Variants in EEPD1 observed in about 807,000 individuals in gnomAD.
The protein encoded by EEPD1 is endonuclease/exonuclease/phosphatase family domain-containing protein 1.
EEPD1 carries 17 observed loss-of-function variants against 46.3 expected under a neutral mutation model. The ratio of observed to expected loss-of-function variants is 0.37; its 90% CI spans 0.25 to 0.55. The LOEUF is 0.55. Among genes scored for constraint, EEPD1 ranks in the 20% least tolerant of loss-of-function variants. The pLI, the probability that EEPD1 is intolerant of heterozygous loss-of-function variation, is 0.83. For missense variants in EEPD1, 673 were observed against 745.6 expected (o/e 0.90, Z 1.13); for synonymous variants, 313 against 315.6 (o/e 0.99, Z 0.09).
intron 2 of EEPD1, among the ~76,000 whole-genome samples, chr7:36,174,988 CAGA>C (rs1785151551): frequency 6.6e-6 from 1 of 152,128 alleles, no homozygotes; most frequent in Non-Finnish European, 1.5e-5. Flanking sequence ...GATTTATGGA[CAGA>C]AGGAGGAAAG....
intron 3 of EEPD1, among the ~76,000 whole-genome samples, chr7:36,276,103 C>A (rs1166967332): frequency 6.6e-6 from 1 of 152,170 alleles, no homozygotes; most frequent in East Asian, 1.9e-4. Flanking sequence ...GCTGGGTAAC[C>A]TACTGAGGCT....
chr7:36,167,810 G>A (rs1015422263), intron 2 of EEPD1, among the ~76,000 whole-genome samples: 2 of 152,058 alleles, frequency 1.3e-5, no homozygotes, highest in Non-Finnish European at 2.9e-5. Context: ...GTGCCTCCCT[G>A]GTTCAAGCGA....
rs139673488 is a variant in EEPD1 at position 36,246,490 on chromosome 7, T to C, written c.930+7454T>C. 4.2e-3 allele frequency among the ~76,000 whole-genome samples: 643 copies of C among 152,354 alleles called. 7 individuals are homozygous for C. The highest frequency in any genetic ancestry group is 0.026 in the South Asian group (124 of 4,832). Reference sequence around the variant, plus strand: ...GCACCAAAGTGGCAGTAGCTGGTACTATCCCCTCTACTGCTAATTAGCTGC... The same window carrying C: ...GCACCAAAGTGGCAGTAGCTGGTACCATCCCCTCTACTGCTAATTAGCTGC... On this transcript the variant is annotated intron_variant, in intron 3 of 7. Transcript: ENST00000242108.
At chr7:36,219,382 G>T (rs150063445) in intron 2 of EEPD1, among the ~76,000 whole-genome samples, 578 of 151,902 alleles carry the variant, frequency 3.8e-3, no homozygotes, top group African/African-American at 0.013. Flanking sequence ...AATACAAAAG[G>T]TGGGGACCTG....
intron 2 of EEPD1, among the ~76,000 whole-genome samples, chr7:36,195,214 A>G (rs555361062): frequency 4.3e-4 from 65 of 152,308 alleles, no homozygotes; most frequent in Non-Finnish European, 6.9e-4. Context: ...GACCAGACAC[A>G]TGCTGAGACC....
intron 2 of EEPD1, among the ~76,000 whole-genome samples, chr7:36,182,571 C>T (rs1171101096): frequency 6.6e-6 from 1 of 152,248 alleles, no homozygotes; most frequent in African/African-American, 2.4e-5. Flanking sequence ...ATTCTTTTGT[C>T]ATTAACACCA....
At chr7:36,265,831 A>C (rs771424499) in intron 3 of EEPD1, among the ~76,000 whole-genome samples, 2 of 152,206 alleles carry the variant, frequency 1.3e-5, no homozygotes, top group African/African-American at 4.8e-5. Flanking sequence ...GTAAATCAAC[A>C]TGGTTTGTTT....
chr7:36,240,017 G>A (rs1409610423), intron 3 of EEPD1, among the ~76,000 whole-genome samples: 2 of 152,214 alleles, frequency 1.3e-5, no homozygotes, highest in African/African-American at 4.8e-5. Flanking sequence ...GGCTCTGCCT[G>A]TAGTCCCAGC....
intron 2 of EEPD1, among the ~76,000 whole-genome samples, chr7:36,219,806 A>AGTGTGTGTGTGTGT (rs70977121): frequency 0.019 from 1,411 of 75,358 alleles, 27 homozygotes; most frequent in African/African-American, 0.031. Context: ...AGAGAGAGAG[A>AGTGTGTGTGTGTGT]GTGTGTGTGT....
At chr7:36,281,457 G>A (rs1787261326) in intron 4 of EEPD1, among the ~76,000 whole-genome samples, 1 of 152,216 alleles carries the variant, frequency 6.6e-6, no homozygotes, top group African/African-American at 2.4e-5. Context: ...GTGTTGGGAG[G>A]AGAGGAGGGG....
At position 36,154,873 on chromosome 7, in the gene EEPD1, C is replaced by A; in HGVS notation, c.549C>A (p.Ile183=). ...SVEDLVRMDG[I]NAAFLDRIRH... Reference sequence around the variant, plus strand: ...AGGACCTAGTGAGGATGGATGGTATCAATGCCGCCTTCCTGGACAGGATCC... The same window carrying A: ...AGGACCTAGTGAGGATGGATGGTATAAATGCCGCCTTCCTGGACAGGATCC... Residue 183 remains isoleucine (I), a synonymous_variant, in exon 2 of 8, where the codon ATC becomes ATA. Coordinates refer to ENST00000242108, the MANE Select transcript of EEPD1 (RefSeq NM_030636.3). This position sits in a 1 kb window ranked among gnomAD's most constrained non-coding sequence, Gnocchi z 4.2. 2 of 1,614,178 alleles carry A rather than the reference C, an allele frequency of 1.2e-6. No homozygotes were observed. The highest frequency in any genetic ancestry group is 2.2e-5 in the South Asian group (2 of 91,082).
At chr7:36,252,059 C>T (rs1027660491) in intron 3 of EEPD1, among the ~76,000 whole-genome samples, 4 of 152,196 alleles carry the variant, frequency 2.6e-5, no homozygotes, top group African/African-American at 9.7e-5. Flanking sequence ...CCATCTTTTA[C>T]TCACGATGGT....
In EEPD1 at chr7:36,225,411, T is replaced by G. The variant is rs1786216589; in HGVS notation, c.879-13574T>G. 6.6e-6 allele frequency among the ~76,000 whole-genome samples: 1 copy of G among 152,096 alleles called. No individual in the cohort carries two copies. On this transcript the variant is annotated intron_variant, in intron 2 of 7. Transcript: ENST00000242108. This position sits in a 1 kb window ranked among gnomAD's most constrained non-coding sequence, Gnocchi z 4.2. ...AATCAGTGATCCGTCATCCAAACTG[T>G]GATGGAAGGAAACCCCGTGCTCACG...
chr7:36,264,070 T>A (rs1786973813), intron 3 of EEPD1, among the ~76,000 whole-genome samples: 1 of 152,156 alleles, frequency 6.6e-6, no homozygotes, highest in Non-Finnish European at 1.5e-5. Context: ...TGGATAAAGC[T>A]CACACCAGTT....
rs7791599 is a variant in EEPD1 at position 36,271,470 on chromosome 7, T to A, written c.931-9645T>A. On this transcript the variant is annotated intron_variant, in intron 3 of 7. Transcript: ENST00000242108. The stretch of plus-strand genomic sequence containing the variant: ...TTTGATGGGGTTGTTTGGTTTTTTC[T>A]TTTAAATTTGTTTAAGTTCCTTGTA... Among the ~76,000 whole-genome samples the A allele has an allele frequency of 1.1e-4, 16 of 151,922 alleles. No individual in the cohort carries two copies. In the South Asian group the frequency reaches 2.1e-3, roughly 20 times the overall value.
At chr7:36,241,567 G>A (rs1483146029) in intron 3 of EEPD1, among the ~76,000 whole-genome samples, 1 of 151,986 alleles carries the variant, frequency 6.6e-6, no homozygotes, top group African/African-American at 2.4e-5. Flanking sequence ...AAATGCAGGT[G>A]CCAAAAATAA....
rs1488609903 is a variant in EEPD1, at chr7:36,155,085, C to G, written c.761C>G (p.Thr254Arg). Residue 254 changes from threonine (T) to arginine (R), a missense_variant, in exon 2 of 8, where the codon ACA (threonine) becomes AGA (arginine). Coordinates refer to ENST00000242108, the MANE Select transcript of EEPD1 (RefSeq NM_030636.3). ...CCGTCCGTGGAGGCCTTTGGAGGCA[C>G]AAGGGATGGGAGGCCTGTGCTGAGG... ...TRPSVEAFGG[T>R]RDGRPVLRLA... 1 of 1,587,202 alleles carries G rather than the reference C, an allele frequency of 6.3e-7. No individual in the cohort carries two copies. Among genetic ancestry groups the G allele is most frequent in the South Asian group, 1.2e-5 (1 of 86,580 alleles).
intron 4 of EEPD1, among the ~76,000 whole-genome samples, chr7:36,283,570 G>T (rs976468618): frequency 6.6e-6 from 1 of 152,158 alleles, no homozygotes; most frequent in African/African-American, 2.4e-5. Context: ...TGAGTGGGTC[G>T]CCCAGGGTCC....
intron 2 of EEPD1, among the ~76,000 whole-genome samples, chr7:36,198,342 G>GAAAAAAAAAAAAAAAGAAAAAAAAAAAAA (rs1785647347): frequency 3.0e-5 from 1 of 33,102 alleles, no homozygotes; most frequent in Non-Finnish European, 5.5e-5. Flanking sequence ...AAAAAGAAAA[G>GAAAAAAAAAAAAAAAGAAAAAAAAAAAAA]AAAAAAAAAA....
Sources: gnomAD v4.1 joint callset for allele counts (sites outside exome capture counted in the v4.1 genomes callset) on GRCh38, gnomAD v4.1.1 for gene constraint, Gnocchi (gnomAD v3.1) non-coding constraint, MANE v1.5 for transcripts, NCBI Gene and HGNC (gene_info 2026-07-23, HGNC 2026-07-21) for gene names.